The following RARB variants were observed in gnomAD, a reference collection of about 807,000 sequenced individuals.
RARB encodes the protein retinoic acid receptor beta.
In RARB, 17 loss-of-function variants were observed where a neutral mutation model predicts 51.9. The ratio of observed to expected loss-of-function variants is 0.33; its 90% CI spans 0.22 to 0.49. The LOEUF (loss-of-function observed/expected upper bound fraction) is 0.49, where lower values mean the gene tolerates loss of function less well. Ranked by LOEUF, RARB falls within the 20% of genes least tolerant of loss-of-function variation. The pLI, the probability that RARB is intolerant of heterozygous loss-of-function variation, is 0.99. For synonymous variants in RARB, 215 were observed against 195.4 expected (o/e 1.10, Z -0.84); for missense variants, 369 against 550.8 (o/e 0.67, Z 3.30).
At chr3:25,174,888 A>C (rs894253566) in intron 5 of RARB, among the ~76,000 whole-genome samples, 5 of 152,230 alleles carry the variant, frequency 3.3e-5, no homozygotes, top group Non-Finnish European at 5.9e-5. Context: ...CATATGATAA[A>C]TAATGGAAGC....
rs556092350 is a variant in RARB, at chr3:24,989,955, G to A, written c.-379-70170G>A. Among the ~76,000 whole-genome samples the A allele has an allele frequency of 4.4e-3, 411 of 94,032 alleles. 110 individuals carry two copies. The highest frequency in any genetic ancestry group is 7.2e-3 in the Non-Finnish European group (347 of 48,082). The allele number at this position is 94,032 out of a possible 152,430, so 61.7% of individuals were successfully genotyped here. On this transcript the variant is annotated intron_variant, in intron 2 of 11. Transcript: ENST00000383772. ...GCTGGGACTACAGGCGCCCGCCACC[G>A]CGCCCGGCTAATTTTTTGTATTTTT...
intron 2 of RARB, among the ~76,000 whole-genome samples, chr3:25,022,219 C>T (rs1697653672): frequency 6.6e-6 from 1 of 152,192 alleles, no homozygotes. Flanking sequence ...TGACCAGCAT[C>T]TCAGAAGCCT....
intron 1 of RARB, among the ~76,000 whole-genome samples, chr3:25,434,528 CCTTTTTTTTTTTTTTTT>C (rs1210221044): frequency 1.1e-5 from 1 of 90,858 alleles, no homozygotes; most frequent in Non-Finnish European, 2.1e-5. Context: ...CCTTGGTACT[CCTTTTTTTTTTTTTTTT>C]CTTTTTTTTT....
chr3:25,092,328 T>G (rs1699213159), intron 3 of RARB, among the ~76,000 whole-genome samples: 1 of 152,164 alleles, frequency 6.6e-6, no homozygotes, highest in Non-Finnish European at 1.5e-5. Context: ...CTTAGTTTCA[T>G]TTAGAACTTT....
chr3:25,008,223 A>C (rs931493827), intron 2 of RARB, among the ~76,000 whole-genome samples: 3 of 152,158 alleles, frequency 2.0e-5, no homozygotes, highest in African/African-American at 7.2e-5. Flanking sequence ...GCCTTTTGGC[A>C]GGGCTTGTAC....
intron 5 of RARB, chr3:25,324,654 C>G (rs915244157): frequency 4.2e-5 from 7 of 167,734 alleles, no homozygotes; most frequent in African/African-American, 1.7e-4. Flanking sequence ...GGAGGGAAAC[C>G]CTTTGTGAGC....
At chr3:25,363,376 C>T (rs2125465551) in intron 5 of RARB, among the ~76,000 whole-genome samples, 1 of 152,226 alleles carries the variant, frequency 6.6e-6, no homozygotes, top group East Asian at 1.9e-4. Flanking sequence ...TAGGTATCTC[C>T]ACTTAGATAT....
At chr3:25,566,487 G>A (rs1398217651) in intron 3 of RARB, among the ~76,000 whole-genome samples, 1 of 152,196 alleles carries the variant, frequency 6.6e-6, no homozygotes, top group Non-Finnish European at 1.5e-5. Flanking sequence ...AGAAAATGGT[G>A]CTCTGGCTTC....
chr3:25,049,249 G>A (rs1243468567), intron 2 of RARB, among the ~76,000 whole-genome samples: 1 of 152,156 alleles, frequency 6.6e-6, no homozygotes, highest in East Asian at 1.9e-4. Flanking sequence ...GGCTTCAAAA[G>A]GCAGGCTGAA....
intron 2 of RARB, among the ~76,000 whole-genome samples, chr3:25,488,254 C>T (rs1033507147): frequency 6.6e-6 from 1 of 152,192 alleles, no homozygotes; most frequent in African/African-American, 2.4e-5. Context: ...TGAGAAAACT[C>T]TGAATAAAAA....
intron 5 of RARB, among the ~76,000 whole-genome samples, chr3:25,335,852 A>G (rs1489565500): frequency 1.3e-5 from 2 of 152,260 alleles, no homozygotes; most frequent in African/African-American, 4.8e-5. Flanking sequence ...AGGAAAATAC[A>G]GGAGAACATG....
At chr3:25,328,529 G>C (rs1704792251) in intron 5 of RARB, among the ~76,000 whole-genome samples, 1 of 152,100 alleles carries the variant, frequency 6.6e-6, no homozygotes, top group Admixed American at 6.6e-5. Context: ...AAAAGAAAAA[G>C]TAAAAATAAA....
intron 3 of RARB, among the ~76,000 whole-genome samples, chr3:25,079,568 T>C (rs1403432649): frequency 6.6e-6 from 1 of 152,222 alleles, no homozygotes; most frequent in Non-Finnish European, 1.5e-5. Flanking sequence ...TCTCAATTTC[T>C]AGTTTGCTGA....
intron 3 of RARB, among the ~76,000 whole-genome samples, chr3:25,109,742 C>T (rs544193686): frequency 6.6e-6 from 1 of 152,250 alleles, no homozygotes; most frequent in Admixed American, 6.5e-5. Context: ...GTGAGCGTTA[C>T]GTCAGCCATG....
chr3:24,922,541 T>C (rs1261701162), intron 2 of RARB, among the ~76,000 whole-genome samples: 1 of 152,152 alleles, frequency 6.6e-6, no homozygotes, highest in African/African-American at 2.4e-5. Context: ...AGAAGTTAAG[T>C]ATCCTGTCAA....
intron 2 of RARB, among the ~76,000 whole-genome samples, chr3:24,904,498 A>G (rs997772106): frequency 7.2e-5 from 11 of 152,232 alleles, no homozygotes; most frequent in African/African-American, 1.7e-4. Context: ...CGATCATTAA[A>G]AAGTCAGGAA....
At chr3:25,054,345 G>A (rs562777798) in intron 2 of RARB, among the ~76,000 whole-genome samples, 2 of 152,258 alleles carry the variant, frequency 1.3e-5, no homozygotes, top group East Asian at 1.9e-4. Context: ...CTAGTTGGGG[G>A]AGCCATGTGA....
intron 3 of RARB, among the ~76,000 whole-genome samples, chr3:25,524,666 T>TCTTC (rs1326606879): frequency 6.1e-5 from 9 of 148,520 alleles, no homozygotes; most frequent in Non-Finnish European, 1.3e-4. Flanking sequence ...CTTCCTTCTT[T>TCTTC]CTTCCTCTTC....
intron 5 of RARB, among the ~76,000 whole-genome samples, chr3:25,394,793 T>C (rs1411220215): frequency 1.3e-5 from 2 of 152,152 alleles, no homozygotes; most frequent in Non-Finnish European, 2.9e-5. Flanking sequence ...TGTGAGTCTT[T>C]ATGTGTTAGG....
Sources: allele counts gnomAD v4.1 joint callset (sites outside exome capture counted in the v4.1 genomes callset), GRCh38; gene constraint gnomAD v4.1.1; transcripts MANE v1.5; gene names NCBI Gene and HGNC (gene_info 2026-07-23, HGNC 2026-07-21).